Variants in ZFYVE9 observed in about 807,000 individuals in gnomAD.
ZFYVE9 encodes the protein zinc finger FYVE domain-containing protein 9.
ZFYVE9 carries 43 observed loss-of-function variants against 126.7 expected under a neutral mutation model. The observed-to-expected ratio is 0.34, with a 90% CI of 0.27 to 0.44. ZFYVE9 has a LOEUF of 0.44. Ranked by LOEUF, ZFYVE9 falls within the 20% of genes least tolerant of loss-of-function variation. ZFYVE9 has a pLI of 1.00. For missense variants in ZFYVE9, 1,476 were observed against 1,697.0 expected, an observed-to-expected ratio of 0.87 and a Z score of 2.29; for synonymous variants, 521 against 597.4, an observed-to-expected ratio of 0.87 and a Z score of 1.87.
chr1:52,161,107 G>T (rs1481799778), intron 1 of ZFYVE9, among the ~76,000 whole-genome samples: 2 of 152,054 alleles, frequency 1.3e-5, no homozygotes, highest in African/African-American at 2.4e-5. Context: ...ATCTTCTAAG[G>T]ATTCTATACT....
In ZFYVE9 at chr1:52,193,806, G is replaced by GCA. The variant is rs574112194; in HGVS notation, c.-142-22552_-142-22551dup. On this transcript the variant is annotated intron_variant, in intron 1 of 18. Transcript: ENST00000287727. Reference sequence around the variant, plus strand: ...TATCTTCAAACACACACGCACGCGCGCACACACACACATGTGTCCAAGGAG... The same window carrying GCA: ...TATCTTCAAACACACACGCACGCGCGCACACACACACACATGTGTCCAAGGAG... Among the ~76,000 whole-genome samples, 628 of 149,506 alleles carry GCA rather than the reference G, an allele frequency of 4.2e-3. 3 individuals carry two copies. Among genetic ancestry groups the GCA allele is most frequent in the African/African-American group, 0.015 (590 of 40,610 alleles).
intron 7 of ZFYVE9, among the ~76,000 whole-genome samples, chr1:52,271,728 A>G (rs1023125612): frequency 1.3e-5 from 2 of 152,216 alleles, no homozygotes; most frequent in Admixed American, 6.5e-5. Flanking sequence ...AAGTTCCTAT[A>G]TGATGCCATA....
In ZFYVE9 at chr1:52,190,147, C is replaced by T. The variant is rs545879853; in HGVS notation, c.-142-26222C>T. 5.5e-5 allele frequency: 9 copies of T among 162,584 alleles called. No individual in the cohort carries two copies. In the South Asian group the frequency reaches 1.4e-3, roughly 25 times the overall value. The allele number at this position is 162,584 out of a possible 1,614,324, so 10.1% of individuals were successfully genotyped here. Reference sequence around the variant, plus strand: ...CAGTTCCCATTTTTCTACCACTTATCAACTTGGAGCTGCTACTTTTTGTTT... The same window carrying T: ...CAGTTCCCATTTTTCTACCACTTATTAACTTGGAGCTGCTACTTTTTGTTT... On this transcript the variant is annotated intron_variant, in intron 1 of 18. Transcript: ENST00000287727.
intron 1 of ZFYVE9, among the ~76,000 whole-genome samples, chr1:52,215,564 T>G (rs1305271592): frequency 6.6e-6 from 1 of 152,218 alleles, no homozygotes; most frequent in Non-Finnish European, 1.5e-5. Context: ...TCCAAGATAC[T>G]TACGTGTTCT....
rs1645310850 is a variant in ZFYVE9, at chr1:52,239,376, G to A, written c.1959G>A (p.Glu653=). The part of the protein sequence containing the change: ...DTNGEHLESY[E]AEISTRPCLA... The stretch of plus-strand genomic sequence containing the variant: ...ATGGGGAACATTTAGAAAGTTATGA[G>A]GCTGAGATCTCCACTAGACCATGCC... Residue 653 remains glutamate (E), a synonymous_variant, in exon 4 of 19, where the codon GAG becomes GAA. Transcript: ENST00000287727. 1.2e-6 allele frequency: 2 copies of A among 1,612,996 alleles called. No individual in the cohort carries two copies. The highest frequency in any genetic ancestry group is 1.7e-6 in the Non-Finnish European group (2 of 1,179,660).
intron 1 of ZFYVE9, 93 bp from the exon 2 acceptor site, chr1:52,216,276 T>A (rs1645071695): frequency 2.5e-6 from 1 of 397,218 alleles, no homozygotes; most frequent in Non-Finnish European, 4.4e-6. Flanking sequence ...TCAGCCCTAT[T>A]GCTTTCATTT....
intron 1 of ZFYVE9, among the ~76,000 whole-genome samples, chr1:52,172,053 T>G (rs1250103676): frequency 6.6e-6 from 1 of 152,084 alleles, no homozygotes; most frequent in African/African-American, 2.4e-5. Context: ...GCTTTTGGTG[T>G]TTTAGACATG....
In ZFYVE9 at chr1:52,282,494, T is replaced by A. The variant is rs149377982; in HGVS notation, c.3025+678T>A. 2.6e-3 allele frequency among the ~76,000 whole-genome samples: 402 copies of A among 152,326 alleles called. 2 individuals carry two copies. Among genetic ancestry groups the A allele is most frequent in the South Asian group, 4.3e-3 (21 of 4,828 alleles). On this transcript the variant is annotated intron_variant, in intron 10 of 18. Coordinates refer to ENST00000287727, the MANE Select transcript of ZFYVE9 (RefSeq NM_004799.4). ...ACAGGAAGTCAGTACATAATATCTG[T>A]ATTTGATAAATAGGGTTTATCTTTG...
Position 52,160,662 on chromosome 1 carries a change from C to T in ZFYVE9, c.-143+18259C>T, listed in dbSNP as rs370870129. 147 of 595,846 alleles carry T rather than the reference C, an allele frequency of 2.5e-4. 4 individuals carry two copies. In the South Asian group the frequency reaches 2.7e-3, roughly 11 times the overall value. The allele number at this position is 595,846 out of a possible 1,614,324, so 36.9% of individuals were successfully genotyped here. ...ATCTCCTGACCTCGTGATCCGCCTG[C>T]GTCGGCCTCCTGCAGTGCTGGGATT... is the stretch of plus-strand genomic sequence containing the variant. On this transcript the variant is annotated intron_variant, in intron 1 of 18. Transcript: ENST00000287727.
At chr1:52,325,598 A>G (rs1646283050) in intron 13 of ZFYVE9, among the ~76,000 whole-genome samples, 1 of 152,234 alleles carries the variant, frequency 6.6e-6, no homozygotes, top group Non-Finnish European at 1.5e-5. Flanking sequence ...ATCAAGATTT[A>G]AAAGAAAATC....
At position 52,237,984 on chromosome 1, in the gene ZFYVE9, C is replaced by T. The variant is rs1211059341; in HGVS notation, c.567C>T (p.Asn189=). ...TTAGCTGTTCACTGGATAATGAAAA[C>T]AGACAAACTGATCAATTTAGTTTTA... is the stretch of plus-strand genomic sequence containing the variant. The part of the protein sequence containing the change: ...DAFSCSLDNE[N]RQTDQFSFSI... The change falls in exon 4 of 19, where the codon AAC becomes AAT. Residue 189 remains asparagine, a synonymous_variant. Coordinates refer to ENST00000287727, the MANE Select transcript of ZFYVE9 (RefSeq NM_004799.4). 1 of 1,613,972 alleles carries T rather than the reference C, an allele frequency of 6.2e-7. No homozygotes were observed. Among genetic ancestry groups the T allele is most frequent in the Non-Finnish European group, 8.5e-7 (1 of 1,179,952 alleles).
At chr1:52,312,066 C>A (rs1408257498) in intron 13 of ZFYVE9, among the ~76,000 whole-genome samples, 3 of 152,146 alleles carry the variant, frequency 2.0e-5, no homozygotes, top group African/African-American at 7.2e-5. Context: ...GCTGGGATTA[C>A]AGACATGAGC....
intron 10 of ZFYVE9, among the ~76,000 whole-genome samples, chr1:52,283,358 A>G (rs1006039050): frequency 6.6e-6 from 1 of 152,234 alleles, no homozygotes; most frequent in African/African-American, 2.4e-5. Flanking sequence ...ATGAAGAACC[A>G]TTGAAAGTAT....
At chr1:52,315,516 C>T (rs1342177584) in intron 13 of ZFYVE9, among the ~76,000 whole-genome samples, 3 of 151,672 alleles carry the variant, frequency 2.0e-5, no homozygotes, top group Admixed American at 6.6e-5. Context: ...AACAAAAAGG[C>T]CAGGGAAGAG....
chr1:52,221,415 G>A (rs1289247187), intron 2 of ZFYVE9, among the ~76,000 whole-genome samples: 2 of 152,176 alleles, frequency 1.3e-5, no homozygotes, highest in African/African-American at 4.8e-5. Context: ...AAGCAGCGGG[G>A]TTGAGTGAAT....
At position 52,233,281 on chromosome 1, in the gene ZFYVE9, G is replaced by T; in HGVS notation, c.70+5G>T. Reference sequence around the variant, plus strand: ...ATGAATTTGAACAAAACGAAGGTGAGAATTTATATTGGTGAATCTGTTTGC... The same window carrying T: ...ATGAATTTGAACAAAACGAAGGTGATAATTTATATTGGTGAATCTGTTTGC... On this transcript the variant is annotated splice_donor_5th_base_variant and intron_variant, in intron 3 of 18. Transcript: ENST00000287727. 1 of 1,573,544 alleles carries T rather than the reference G, an allele frequency of 6.4e-7. No homozygotes were observed. The highest frequency in any genetic ancestry group is 1.2e-5 in the South Asian group (1 of 83,180).
At chr1:52,259,690 A>G (rs1382311670) in intron 4 of ZFYVE9, among the ~76,000 whole-genome samples, 2 of 151,758 alleles carry the variant, frequency 1.3e-5, no homozygotes, top group African/African-American at 2.4e-5. Context: ...CCAGCTGTTC[A>G]GGAGGCTGAA....
chr1:52,191,611 T>C lies in ZFYVE9; in HGVS notation c.-142-24758T>C, dbSNP rs370320532. ...CCTATGACCCAGATGGGTTAGATAT[T>C]ATCCCCATTTGAAAGTAGGGAAACT... is the stretch of plus-strand genomic sequence containing the variant. On this transcript the variant is annotated intron_variant, in intron 1 of 18. Transcript: ENST00000287727. Among the ~76,000 whole-genome samples, 7 of 152,366 alleles carry C rather than the reference T, an allele frequency of 4.6e-5. No homozygotes were observed. The East Asian group carries it at 7.7e-4, about 17-fold the overall frequency.
chr1:52,265,303 T>G (rs1402351759), intron 5 of ZFYVE9, among the ~76,000 whole-genome samples: 1 of 152,218 alleles, frequency 6.6e-6, no homozygotes, highest in Non-Finnish European at 1.5e-5. Flanking sequence ...CTCCCCTCTT[T>G]CTGCCAGTGC....
Sources: allele counts gnomAD v4.1 joint callset (sites outside exome capture counted in the v4.1 genomes callset), GRCh38; gene constraint gnomAD v4.1.1; transcripts MANE v1.5; gene names NCBI Gene and HGNC (gene_info 2026-07-23, HGNC 2026-07-21).